Variants in SDR16C5 observed in about 807,000 individuals in gnomAD.
The protein encoded by SDR16C5 is short chain dehydrogenase/reductase family 16C member 5.
SDR16C5 carries 20 observed loss-of-function variants against 27.7 expected under a neutral mutation model. That is an observed-to-expected ratio of 0.72 (90% confidence interval 0.51 to 1.05). The LOEUF (loss-of-function observed/expected upper bound fraction) is 1.05, where lower values mean the gene tolerates loss of function less well. SDR16C5 is among the 50% of genes least tolerant of loss of function. The pLI is 0.00. For missense variants in SDR16C5, 374 were observed against 366.3 expected (o/e 1.02, Z -0.17); for synonymous variants, 139 against 132.3 (o/e 1.05, Z -0.35).
intron 4 of SDR16C5, 47 bp downstream of exon 4, chr8:56,308,881 A>G: frequency 7.5e-7 from 1 of 1,324,892 alleles, no homozygotes; most frequent in Non-Finnish European, 1.1e-6. Context: ...TGTGTAAGTT[A>G]AAGTTATAGG....
chr8:56,301,998 A>G (rs1259157738), intron 6 of SDR16C5, among the ~76,000 whole-genome samples: 1 of 152,204 alleles, frequency 6.6e-6, no homozygotes, highest in African/African-American at 2.4e-5. Context: ...TGAGGTCATC[A>G]GTCTGCCTTT....
chr8:56,313,054 G>A (rs1815090097), intron 2 of SDR16C5, among the ~76,000 whole-genome samples: 1 of 152,148 alleles, frequency 6.6e-6, no homozygotes, highest in Non-Finnish European at 1.5e-5. Flanking sequence ...GGGATTACAG[G>A]CATGAGCCAC....
intron 2 of SDR16C5, among the ~76,000 whole-genome samples, chr8:56,314,645 C>G (rs551355180): frequency 2.6e-5 from 4 of 152,158 alleles, no homozygotes; most frequent in African/African-American, 7.2e-5. Context: ...AGCGTAGGCC[C>G]GAGCAAATTT....
intron 3 of SDR16C5, among the ~76,000 whole-genome samples, chr8:56,310,397 C>A (rs1815017372): frequency 6.7e-6 from 1 of 150,172 alleles, no homozygotes; most frequent in Non-Finnish European, 1.5e-5. Flanking sequence ...CATGAAGGCA[C>A]CTGGGGAAAA....
intron 4 of SDR16C5, among the ~76,000 whole-genome samples, chr8:56,307,973 G>T (rs928165867): frequency 6.6e-6 from 1 of 152,136 alleles, no homozygotes; most frequent in African/African-American, 2.4e-5. Flanking sequence ...GATTTCAAAG[G>T]CCCGTGACAA....
rs373946773 is a variant in SDR16C5 at position 56,312,333 on chromosome 8, A to T, written c.334-45T>A. 48 of 1,558,450 alleles carry T rather than the reference A, an allele frequency of 3.1e-5. No individual in the cohort carries two copies. The African/African-American group carries it at 6.1e-4, about 20-fold the overall frequency. Reference sequence around the variant, plus strand: ...CACCACCAATGTAGTAATTCCTTACATGGGCTAGGTTTTATTTTCCCAGAG... The same window carrying T: ...CACCACCAATGTAGTAATTCCTTACTTGGGCTAGGTTTTATTTTCCCAGAG... On this transcript the variant is annotated intron_variant, in intron 2 of 6. Transcript: ENST00000303749.
At chr8:56,303,802 CTA>C (rs1814817582) in intron 6 of SDR16C5, 1 of 592,704 alleles carries the variant, frequency 1.7e-6, no homozygotes, top group Admixed American at 2.9e-5. Flanking sequence ...CATTACTATA[CTA>C]TAATCTGCCA....
intron 6 of SDR16C5, among the ~76,000 whole-genome samples, chr8:56,304,599 C>T (rs1007102918): frequency 1.3e-5 from 2 of 151,904 alleles, no homozygotes; most frequent in Admixed American, 6.6e-5. Flanking sequence ...AGGGCAATCG[C>T]GCGATCTCAG....
intron 1 of SDR16C5, among the ~76,000 whole-genome samples, chr8:56,318,044 G>C (rs1815244515): frequency 1.3e-5 from 2 of 152,178 alleles, no homozygotes; most frequent in Non-Finnish European, 2.9e-5. Flanking sequence ...GATTCAGATT[G>C]GGCTTGGGAG....
rs1397675040 is a variant in SDR16C5, at chr8:56,310,213, AAGG to A, written c.466-1189_466-1187del. Among the ~76,000 whole-genome samples the A allele has an allele frequency of 2.0e-3, 7 of 3,420 alleles. 2 individuals are homozygous for A. Among genetic ancestry groups the A allele is most frequent in the African/African-American group, 8.6e-3 (7 of 818 alleles). 2.2% of individuals were successfully genotyped at this position (3,420 alleles called of 152,430 possible). On this transcript the variant is annotated intron_variant, in intron 3 of 6. Transcript: ENST00000303749. ...AGGAGGAGGAAGGAGGAGGAGGAGG[AAGG>A]AGGAGGAGGAGGAAGGAGGAGGAGG... is the stretch of plus-strand genomic sequence containing the variant.
chr8:56,313,636 C>T (rs1815106836), intron 2 of SDR16C5, among the ~76,000 whole-genome samples: 1 of 152,178 alleles, frequency 6.6e-6, no homozygotes, highest in Admixed American at 6.5e-5. Context: ...TGTGGGACCA[C>T]CATTTTGTAT....
At chr8:56,314,453 T>C (rs980378741) in intron 2 of SDR16C5, among the ~76,000 whole-genome samples, 3 of 152,344 alleles carry the variant, frequency 2.0e-5, no homozygotes, top group African/African-American at 4.8e-5. Context: ...TAATTATTTA[T>C]AGAGTGCTTC....
At chr8:56,313,038 A>G (rs1815089812) in intron 2 of SDR16C5, among the ~76,000 whole-genome samples, 1 of 152,076 alleles carries the variant, frequency 6.6e-6, no homozygotes, top group South Asian at 2.1e-4. Flanking sequence ...GGCCTCCCAA[A>G]GTGTTGGGAT....
chr8:56,311,592 G>T (rs1201594224), intron 3 of SDR16C5, among the ~76,000 whole-genome samples: 3 of 152,178 alleles, frequency 2.0e-5, no homozygotes, highest in Non-Finnish European at 4.4e-5. Flanking sequence ...TCAGGACTGT[G>T]CTTTTAGCGC....
chr8:56,312,532 C>T (rs1171953342), intron 2 of SDR16C5, among the ~76,000 whole-genome samples: 1 of 151,942 alleles, frequency 6.6e-6, no homozygotes, highest in Non-Finnish European at 1.5e-5. Flanking sequence ...TGGCAAAATC[C>T]TGTCTCTATT....
rs779758373 is a variant in SDR16C5, at chr8:56,304,021, A to T, written c.836+1576T>A. The T allele has an allele frequency of 1.6e-5, 11 of 702,998 alleles. No individual in the cohort carries two copies. In the South Asian group the frequency reaches 1.6e-4, roughly 10 times the overall value. 43.5% of individuals were successfully genotyped at this position (702,998 alleles called of 1,614,324 possible). ...CTGAATTTCGAATTGCTTGTCCAGG[A>T]TCCTTTGCTCTGTCCCACATAGCCT... is the stretch of plus-strand genomic sequence containing the variant. On this transcript the variant is annotated intron_variant, in intron 6 of 6. Coordinates refer to ENST00000303749, the MANE Select transcript of SDR16C5 (RefSeq NM_138969.4).
chr8:56,313,994 G>C (rs555893632), intron 2 of SDR16C5, among the ~76,000 whole-genome samples: 2 of 152,066 alleles, frequency 1.3e-5, no homozygotes. Flanking sequence ...GGATAATGAT[G>C]TCAAGAGATG....
chr8:56,307,298 GAA>G (rs901208719), intron 4 of SDR16C5, among the ~76,000 whole-genome samples: 1 of 142,548 alleles, frequency 7.0e-6, no homozygotes, highest in African/African-American at 2.6e-5. Context: ...TTCACTTCCA[GAA>G]AAAAAAAAAG....
At chr8:56,304,275 G>A (rs1814829208) in intron 6 of SDR16C5, among the ~76,000 whole-genome samples, 1 of 152,194 alleles carries the variant, frequency 6.6e-6, no homozygotes, top group South Asian at 2.1e-4. Context: ...AATTGCACAT[G>A]GAGCTGGGGG....
Sources: allele counts gnomAD v4.1 joint callset (sites outside exome capture counted in the v4.1 genomes callset), GRCh38; gene constraint gnomAD v4.1.1; transcripts MANE v1.5; gene names NCBI Gene and HGNC (gene_info 2026-07-23, HGNC 2026-07-21).